Variants in PDZRN4 observed in about 807,000 individuals in gnomAD.
PDZRN4 encodes the protein PDZ domain containing ring finger 4, also known as PDZ domain-containing RING finger protein 4.
Under a neutral mutation model 99.0 loss-of-function variants are expected in PDZRN4, and 70 were observed. The observed-to-expected ratio is 0.71, with a 90% confidence interval of 0.58 to 0.86. The LOEUF (loss-of-function observed/expected upper bound fraction) is 0.86, where lower values mean the gene tolerates loss of function less well. Among genes scored for constraint, PDZRN4 ranks in the 40% least tolerant of loss-of-function variants. The pLI, the probability that PDZRN4 is intolerant of heterozygous loss-of-function variation, is 0.00. For missense variants in PDZRN4, 1,474 were observed against 1,331.2 expected (o/e 1.11, Z -1.67); for synonymous variants, 551 against 501.6 (o/e 1.10, Z -1.32).
chr12:41,459,405 T>C (rs1189776920), intron 3 of PDZRN4, among the ~76,000 whole-genome samples: 1 of 152,216 alleles, frequency 6.6e-6, no homozygotes, highest in Non-Finnish European at 1.5e-5. Context: ...ATGCCTCTTT[T>C]GGCCAACCCA....
Position 41,548,380 on chromosome 12 carries a change from C to T in PDZRN4, c.1204-4276C>T, listed in dbSNP as rs189628068. On this transcript the variant is annotated intron_variant, in intron 5 of 9. Transcript: ENST00000402685. ...TTTATTGGAACAACAAAGCATATTT[C>T]ACTAGTTGCTAATCAACATTAAAAA... is the stretch of plus-strand genomic sequence containing the variant. Among the ~76,000 whole-genome samples the T allele has an allele frequency of 7.9e-5, 12 of 152,180 alleles. No individual in the cohort carries two copies. The East Asian group carries it at 2.3e-3, about 29-fold the overall frequency.
At chr12:41,399,740 A>C (rs913829968) in intron 3 of PDZRN4, among the ~76,000 whole-genome samples, 1 of 152,002 alleles carries the variant, frequency 6.6e-6, no homozygotes, top group Non-Finnish European at 1.5e-5. Flanking sequence ...TTGTCTCAAA[A>C]AAAAAAAAAA....
intron 3 of PDZRN4, among the ~76,000 whole-genome samples, chr12:41,475,986 A>G (rs546447409): frequency 2.6e-5 from 4 of 152,276 alleles, no homozygotes; most frequent in Non-Finnish European, 5.9e-5. Context: ...CCAACATCCA[A>G]AAATCCTCCT....
At chr12:41,226,399 G>T (rs1428497271) in intron 3 of PDZRN4, among the ~76,000 whole-genome samples, 5 of 151,830 alleles carry the variant, frequency 3.3e-5, no homozygotes, top group Non-Finnish European at 5.9e-5. Flanking sequence ...GCTCTTTGAG[G>T]TCATGGATTT....
intron 3 of PDZRN4, among the ~76,000 whole-genome samples, chr12:41,244,594 G>A (rs1015234976): frequency 6.6e-6 from 1 of 151,338 alleles, no homozygotes; most frequent in East Asian, 1.9e-4. Flanking sequence ...AGCAGGTCCA[G>A]CAGACTCCCG....
At chr12:41,514,208 G>T (rs908927220) in intron 5 of PDZRN4, among the ~76,000 whole-genome samples, 1 of 152,026 alleles carries the variant, frequency 6.6e-6, no homozygotes, top group Non-Finnish European at 1.5e-5. Flanking sequence ...TCTATAAATA[G>T]GAGTGAGCAC....
chr12:41,231,444 A>G (rs927340924), intron 3 of PDZRN4, among the ~76,000 whole-genome samples: 2 of 152,052 alleles, frequency 1.3e-5, no homozygotes, highest in African/African-American at 4.8e-5. Flanking sequence ...ACTGCAAGGT[A>G]GTATAGCTAA....
chr12:41,415,343 T>C (rs556124817), intron 3 of PDZRN4, among the ~76,000 whole-genome samples: 2 of 148,768 alleles, frequency 1.3e-5, no homozygotes, highest in African/African-American at 4.9e-5. Flanking sequence ...ATATTACAAA[T>C]ATATGTGTAA....
intron 5 of PDZRN4, among the ~76,000 whole-genome samples, chr12:41,517,597 G>T (rs1446535846): frequency 6.6e-6 from 1 of 152,074 alleles, no homozygotes; most frequent in Non-Finnish European, 1.5e-5. Context: ...TGTGGCCCCA[G>T]TTCTAGATCT....
rs549073893 is a variant in PDZRN4, at chr12:41,448,220, A to G, written c.844-58236A>G. 8.5e-5 allele frequency among the ~76,000 whole-genome samples: 13 copies of G among 152,218 alleles called. No homozygotes were observed. In the South Asian group the frequency reaches 2.7e-3, roughly 32 times the overall value. ...CTGTTTTGTTTCCTCATTCTCTCCT[A>G]ACAGCTAAAATTTTAACCAAAGAAA... is the stretch of plus-strand genomic sequence containing the variant. On this transcript the variant is annotated intron_variant, in intron 3 of 9. Coordinates refer to ENST00000402685, the MANE Select transcript of PDZRN4 (RefSeq NM_001164595.2).
chr12:41,395,095 C>G (rs1952237370), intron 3 of PDZRN4, among the ~76,000 whole-genome samples: 1 of 152,082 alleles, frequency 6.6e-6, no homozygotes, highest in Non-Finnish European at 1.5e-5. Flanking sequence ...TCCAGGCTCC[C>G]AAAAGTCTCA....
At chr12:41,293,542 G>C (rs12297322) in intron 3 of PDZRN4, among the ~76,000 whole-genome samples, 12,131 of 151,940 alleles carry the variant, frequency 0.08, 628 homozygotes, top group African/African-American at 0.14. Context: ...CAGTTTGGCA[G>C]ATTTCCTTAG....
chr12:41,363,011 G>A (rs1176629157), intron 3 of PDZRN4, among the ~76,000 whole-genome samples: 1 of 152,006 alleles, frequency 6.6e-6, no homozygotes, highest in East Asian at 1.9e-4. Context: ...GGGCCTTAGG[G>A]CACCTGTTAG....
At chr12:41,532,565 T>C (rs1397465477) in intron 5 of PDZRN4, among the ~76,000 whole-genome samples, 1 of 152,172 alleles carries the variant, frequency 6.6e-6, no homozygotes, top group Non-Finnish European at 1.5e-5. Flanking sequence ...TTAATATTTG[T>C]CAACAGATTT....
Position 41,572,598 on chromosome 12 carries a change from G to C in PDZRN4, c.1819G>C (p.Val607Leu). The change falls in exon 10 of 10, where the codon GTA becomes CTA. Residue 607 changes from valine (V) to leucine (L), a missense_variant. Physicochemically the swap from Val to Leu is conservative, Grantham distance 32. Transcript: ENST00000402685. ...TGAACTTCAGTACAATGAGAGCCTC[G>C]TATCTGGTGAATACATTGACTCAGA... ...SVELQYNESL[V>L]SGEYIDSDCI... 1.2e-6 allele frequency: 2 copies of C among 1,614,112 alleles called. No individual in the cohort carries two copies. The highest frequency in any genetic ancestry group is 2.7e-5 in the African/African-American group (2 of 75,046).
chr12:41,286,833 A>G (rs1951425806), intron 3 of PDZRN4, among the ~76,000 whole-genome samples: 2 of 152,196 alleles, frequency 1.3e-5, no homozygotes, highest in African/African-American at 4.8e-5. Context: ...ATACATGCGA[A>G]GTTATGACTG....
intron 3 of PDZRN4, among the ~76,000 whole-genome samples, chr12:41,425,706 C>G (rs1012432848): frequency 6.6e-6 from 1 of 152,240 alleles, no homozygotes; most frequent in Non-Finnish European, 1.5e-5. Context: ...AACTAGAAAG[C>G]ATTTCATCAG....
chr12:41,475,385 AT>A (rs925513908), intron 3 of PDZRN4, among the ~76,000 whole-genome samples: 1 of 152,172 alleles, frequency 6.6e-6, no homozygotes, highest in Admixed American at 6.5e-5. Flanking sequence ...AAATCACCGG[AT>A]GTTTAACAAA....
rs917241213 is a variant in PDZRN4 at position 41,205,413 on chromosome 12, A to G, written c.843+11225A>G. Reference sequence around the variant, plus strand: ...AAATGTAAGGTTCTTAAGCTATTCAATGAGGTCCTGCCTCCTCTGGCACTC... The same window carrying G: ...AAATGTAAGGTTCTTAAGCTATTCAGTGAGGTCCTGCCTCCTCTGGCACTC... On this transcript the variant is annotated intron_variant, in intron 3 of 9. Transcript: ENST00000402685. Among the ~76,000 whole-genome samples, 7 of 151,790 alleles carry G rather than the reference A, an allele frequency of 4.6e-5. No homozygotes were observed. In the South Asian group the frequency reaches 6.2e-4, roughly 13 times the overall value.
Sources: gnomAD v4.1 joint callset for allele counts (sites outside exome capture counted in the v4.1 genomes callset) on GRCh38, gnomAD v4.1.1 for gene constraint, MANE v1.5 for transcripts, NCBI Gene and HGNC (gene_info 2026-07-23, HGNC 2026-07-21) for gene names.